GABRG3: variants seen among roughly 807,000 people sequenced by gnomAD.
GABRG3 encodes the protein gamma-aminobutyric acid receptor subunit gamma-3.
A neutral mutation model predicts 48.8 loss-of-function variants in GABRG3; 25 were observed. The ratio of observed to expected loss-of-function variants is 0.51; its 90% confidence interval spans 0.37 to 0.72. GABRG3 has a LOEUF of 0.72. Ranked by LOEUF, GABRG3 falls within the 30% of genes least tolerant of loss-of-function variation. GABRG3 has a pLI of 0.00. For synonymous variants in GABRG3, 227 were observed against 217.6 expected (o/e 1.04, Z -0.38); for missense variants, 394 against 577.9 (o/e 0.68, Z 3.26).
intron 5 of GABRG3, among the ~76,000 whole-genome samples, chr15:27,417,531 A>G (rs1887976461): frequency 6.6e-6 from 1 of 151,898 alleles, no homozygotes; most frequent in Admixed American, 6.6e-5. Context: ...CCCCACTTCC[A>G]TCCTTCCATC....
At chr15:27,462,387 T>A (rs1202540852) in intron 5 of GABRG3, among the ~76,000 whole-genome samples, 1 of 152,180 alleles carries the variant, frequency 6.6e-6, no homozygotes, top group Admixed American at 6.5e-5. Context: ...TAACCGGAAC[T>A]CTGGGTTTGG....
intron 2 of GABRG3, among the ~76,000 whole-genome samples, chr15:26,984,343 G>A (rs1484520620): frequency 6.6e-6 from 1 of 152,022 alleles, no homozygotes; most frequent in East Asian, 1.9e-4. Flanking sequence ...GGAAACAATT[G>A]TGCATCACTG....
chr15:27,290,267 A>G (rs1891752839), intron 3 of GABRG3, among the ~76,000 whole-genome samples: 1 of 152,140 alleles, frequency 6.6e-6, no homozygotes. Flanking sequence ...ACATTAGAAG[A>G]AGCAAATCTT....
chr15:27,137,353 A>G (rs1478228042), intron 3 of GABRG3, among the ~76,000 whole-genome samples: 1 of 152,166 alleles, frequency 6.6e-6, no homozygotes, highest in Non-Finnish European at 1.5e-5. Flanking sequence ...AGGCTCCTGG[A>G]CAAACAAAGG....
intron 5 of GABRG3, among the ~76,000 whole-genome samples, chr15:27,412,814 C>T (rs1566829531): frequency 6.6e-6 from 1 of 152,080 alleles, no homozygotes; most frequent in Non-Finnish European, 1.5e-5. Context: ...AGGAAAAAAA[C>T]AAATATTATG....
chr15:27,303,816 A>G (rs371856526), intron 3 of GABRG3, among the ~76,000 whole-genome samples: 28 of 151,238 alleles, frequency 1.9e-4, no homozygotes, highest in South Asian at 6.3e-4. Context: ...GTGTGTGTGT[A>G]TATATGTATA....
intron 2 of GABRG3, among the ~76,000 whole-genome samples, chr15:27,015,789 C>T (rs1480836482): frequency 6.6e-6 from 1 of 152,044 alleles, no homozygotes; most frequent in African/African-American, 2.4e-5. Flanking sequence ...TGAAATATAA[C>T]AATCTCTATT....
intron 3 of GABRG3, among the ~76,000 whole-genome samples, chr15:27,294,276 G>T (rs991287065): frequency 4.7e-5 from 7 of 149,070 alleles, no homozygotes; most frequent in South Asian, 2.1e-4. Flanking sequence ...GAGTAAAGTG[G>T]CTCCATCATG....
At chr15:27,123,151 G>A (rs1897760246) in intron 3 of GABRG3, among the ~76,000 whole-genome samples, 1 of 152,190 alleles carries the variant, frequency 6.6e-6, no homozygotes, top group South Asian at 2.1e-4. Flanking sequence ...AACTTTAATT[G>A]AAGGTTGGAA....
chr15:27,510,276 T>C (rs1566873146), intron 6 of GABRG3, among the ~76,000 whole-genome samples: 3 of 152,142 alleles, frequency 2.0e-5, no homozygotes, highest in African/African-American at 7.2e-5. Context: ...ACCTAGTTCT[T>C]AGAGTGTGAC....
chr15:27,182,633 G>T (rs940047889), intron 3 of GABRG3, among the ~76,000 whole-genome samples: 1 of 152,120 alleles, frequency 6.6e-6, no homozygotes, highest in Non-Finnish European at 1.5e-5. Context: ...GATGACGGGA[G>T]GGGGTGCTTA....
At chr15:27,524,536 C>G (rs1267902317) in intron 7 of GABRG3, among the ~76,000 whole-genome samples, 1 of 151,966 alleles carries the variant, frequency 6.6e-6, no homozygotes, top group Admixed American at 6.6e-5. Context: ...CATAATGCTA[C>G]TTGATGTAAT....
intron 3 of GABRG3, among the ~76,000 whole-genome samples, chr15:27,114,807 T>C (rs528212092): frequency 6.6e-6 from 1 of 152,280 alleles, no homozygotes; most frequent in East Asian, 1.9e-4. Context: ...CATTCTTTTT[T>C]TTTTTCATTA....
intron 3 of GABRG3, among the ~76,000 whole-genome samples, chr15:27,309,908 A>G (rs1892937786): frequency 5.3e-5 from 8 of 152,088 alleles, no homozygotes; most frequent in Admixed American, 5.3e-4. Flanking sequence ...AAACCTGAAT[A>G]CCACCCAAAT....
At chr15:27,454,858 C>T (rs893626696) in intron 5 of GABRG3, among the ~76,000 whole-genome samples, 4 of 152,162 alleles carry the variant, frequency 2.6e-5, no homozygotes, top group Non-Finnish European at 4.4e-5. Context: ...CAGTAACCCC[C>T]GCAGGAAGCA....
chr15:27,374,602 C>A (rs1566811781), intron 5 of GABRG3, among the ~76,000 whole-genome samples: 1 of 152,052 alleles, frequency 6.6e-6, no homozygotes, highest in East Asian at 1.9e-4. Flanking sequence ...CAGAGCAGAA[C>A]CTGTAGCAAG....
At chr15:27,307,105 A>G (rs1016833568) in intron 3 of GABRG3, among the ~76,000 whole-genome samples, 4 of 125,398 alleles carry the variant, frequency 3.2e-5, no homozygotes, top group African/African-American at 1.4e-4. Context: ...TAATATAAAC[A>G]TGTTTATATA....
At chr15:27,347,858 ACT>A (rs1218180099) in intron 5 of GABRG3, among the ~76,000 whole-genome samples, 1 of 151,620 alleles carries the variant, frequency 6.6e-6, no homozygotes, top group Admixed American at 6.6e-5. Context: ...ACCTGCTGTG[ACT>A]CTCTATTAAC....
rs1595812538 is a variant in GABRG3, at chr15:27,527,464, G to A, written c.897G>A (p.Leu299=). Residue 299 remains leucine (L), a synonymous_variant, in exon 8 of 10, where the codon CTG becomes CTA. Transcript: ENST00000615808. ...GITTVLTMTT[L]STIARKSLPR... is the part of the protein sequence containing the mutation. ...CCACGGTGCTGACCATGACCACCCT[G>A]AGCACCATCGCCAGGAAGTCCTTGC... 1 of 1,613,906 alleles carries A rather than the reference G, an allele frequency of 6.2e-7. No individual in the cohort carries two copies. The highest frequency in any genetic ancestry group is 8.5e-7 in the Non-Finnish European group (1 of 1,179,874).
Sources: allele counts gnomAD v4.1 joint callset (sites outside exome capture counted in the v4.1 genomes callset), GRCh38; gene constraint gnomAD v4.1.1; transcripts MANE v1.5; gene names NCBI Gene and HGNC (gene_info 2026-07-23, HGNC 2026-07-21).